The following FGD5 variants were observed in gnomAD, a reference collection of about 807,000 sequenced individuals.
FGD5 encodes the protein FYVE, RhoGEF and PH domain containing 5, also known as FYVE, RhoGEF and PH domain-containing protein 5.
FGD5 carries 28 observed loss-of-function variants against 133.4 expected under a neutral mutation model. The ratio of observed to expected loss-of-function variants is 0.21; its 90% CI spans 0.16 to 0.29. The LOEUF is 0.29. FGD5 is among the 10% of genes least tolerant of loss of function. The pLI, the probability that FGD5 is intolerant of heterozygous loss-of-function variation, is 1.00. For missense variants in FGD5, 1,858 were observed against 1,895.2 expected, an observed-to-expected ratio of 0.98 and a Z score of 0.36; for synonymous variants, 810 against 776.5, an observed-to-expected ratio of 1.04 and a Z score of -0.72.
intron 1 of FGD5, among the ~76,000 whole-genome samples, chr3:14,826,475 A>G (rs1311589091): frequency 1.3e-5 from 2 of 152,168 alleles, no homozygotes; most frequent in Non-Finnish European, 2.9e-5. Flanking sequence ...CTGCCTGGGT[A>G]TTGGTCTACA....
intron 1 of FGD5, among the ~76,000 whole-genome samples, chr3:14,852,834 G>A (rs893414257): frequency 3.3e-5 from 5 of 152,176 alleles, no homozygotes; most frequent in African/African-American, 7.2e-5. Context: ...AGGCGTGAAA[G>A]GGAGCCTCAC....
intron 1 of FGD5, among the ~76,000 whole-genome samples, chr3:14,838,205 CCT>C (rs994338905): frequency 3.3e-5 from 5 of 152,174 alleles, no homozygotes; most frequent in African/African-American, 9.6e-5. Context: ...CACTCCTTCC[CCT>C]GTTTTCTGCA....
At chr3:14,867,414 G>A (rs2037516506) in intron 2 of FGD5, among the ~76,000 whole-genome samples, 1 of 152,186 alleles carries the variant, frequency 6.6e-6, no homozygotes, top group Admixed American at 6.5e-5. Context: ...TTCTTACAGT[G>A]TTTCTAGTTT....
intron 2 of FGD5, among the ~76,000 whole-genome samples, chr3:14,875,275 C>T (rs1297775147): frequency 6.6e-6 from 1 of 152,190 alleles, no homozygotes; most frequent in Admixed American, 6.5e-5. Flanking sequence ...GGGCTTGAAA[C>T]AGCCATGGAA....
chr3:14,879,002 C>T (rs758219197), intron 2 of FGD5, among the ~76,000 whole-genome samples: 7 of 152,276 alleles, frequency 4.6e-5, no homozygotes, highest in East Asian at 3.9e-4. Flanking sequence ...CCACTGTGCC[C>T]GGCCTCAGAG....
chr3:14,889,573 C>T (rs1189961958), intron 4 of FGD5, among the ~76,000 whole-genome samples: 2 of 152,150 alleles, frequency 1.3e-5, no homozygotes. Context: ...AGAGGAATTG[C>T]AGAGTCACGG....
At chr3:14,908,018 AG>A (rs1316206294) in intron 10 of FGD5, among the ~76,000 whole-genome samples, 4 of 152,244 alleles carry the variant, frequency 2.6e-5, no homozygotes, top group African/African-American at 9.6e-5. Flanking sequence ...TTCAGTGCAG[AG>A]TTGCTGGGAA....
intron 13 of FGD5, 127 bp downstream of exon 13, chr3:14,918,960 C>CAA: frequency 1.0e-6 from 1 of 978,076 alleles, no homozygotes; most frequent in Non-Finnish European, 1.5e-6. Flanking sequence ...CCTTCTGGGT[C>CAA]AAAGGACTTT....
rs1241463947 is a variant in FGD5, at chr3:14,877,803, C to T, written c.2659-2769C>T. ...AACCAGGGGTGACGTCTTGCATCAC[C>T]CCAAGCCCTAGGACATTTGGCAGTA... On this transcript the variant is annotated intron_variant, in intron 2 of 19. Transcript: ENST00000285046. Among the ~76,000 whole-genome samples the T allele has an allele frequency of 3.3e-5, 5 of 152,282 alleles. No homozygotes were observed. The East Asian group carries it at 9.7e-4, about 29-fold the overall frequency.
chr3:14,922,225 C>A lies in FGD5; in HGVS notation c.3670-186C>A. On this transcript the variant is annotated intron_variant, in intron 14 of 19. Coordinates refer to ENST00000285046, the MANE Select transcript of FGD5 (RefSeq NM_152536.4). The surrounding 1 kb of genome is among the most constrained non-coding windows in gnomAD (Gnocchi z 4.1). ...CCCAGCACCCACAGTCTTGTTCTCA[C>A]AGTCTGGCTGTTTCCCAACCAAGGG... 1 of 1,029,592 alleles carries A rather than the reference C, an allele frequency of 9.7e-7. No individual in the cohort carries two copies. Among genetic ancestry groups the A allele is most frequent in the Non-Finnish European group, 1.4e-6 (1 of 709,848 alleles). 63.8% of individuals were successfully genotyped at this position (1,029,592 alleles called of 1,614,324 possible). A position where few individuals can be genotyped will look rare whatever the true frequency, so the allele number is the denominator to read the frequency against.
At chr3:14,918,733 A>G in intron 12 of FGD5, 21 bp from the exon 13 acceptor site, 1 of 1,605,320 alleles carries the variant, frequency 6.2e-7, no homozygotes, top group African/African-American at 1.3e-5. Context: ...ACCCTGAAGG[A>G]GGCTGCTGTT....
At chr3:14,901,504 T>G (rs954863060) in intron 9 of FGD5, among the ~76,000 whole-genome samples, 1 of 152,224 alleles carries the variant, frequency 6.6e-6, no homozygotes, top group African/African-American at 2.4e-5. Flanking sequence ...CAGATCTGAT[T>G]CTGACTGTGT....
chr3:14,840,582 C>G (rs550994176), intron 1 of FGD5, among the ~76,000 whole-genome samples: 2 of 152,148 alleles, frequency 1.3e-5, no homozygotes, highest in Non-Finnish European at 2.9e-5. Context: ...CAGATCCACT[C>G]CCGTTCTTTT....
intron 13 of FGD5, 30 bp downstream of exon 13, chr3:14,918,863 C>A: frequency 6.2e-7 from 1 of 1,610,620 alleles, no homozygotes. Context: ...GGATGGCGCA[C>A]AAGGCAGAGG....
intron 1 of FGD5, among the ~76,000 whole-genome samples, chr3:14,813,401 A>C (rs1341355641): frequency 6.6e-6 from 1 of 152,224 alleles, no homozygotes; most frequent in Admixed American, 6.5e-5. Flanking sequence ...CAGCCTAATT[A>C]GAAATCATCA....
chr3:14,841,999 G>A (rs926860291), intron 1 of FGD5, among the ~76,000 whole-genome samples: 5 of 152,214 alleles, frequency 3.3e-5, no homozygotes, highest in Admixed American at 2.6e-4. Flanking sequence ...AAAGTCTGGG[G>A]TGTGCTTTTG....
At chr3:14,885,380 C>G (rs2037905659) in intron 4 of FGD5, among the ~76,000 whole-genome samples, 1 of 152,062 alleles carries the variant, frequency 6.6e-6, no homozygotes, top group Non-Finnish European at 1.5e-5. Context: ...GGTAGATAAC[C>G]TCAGTGCCAG....
intron 2 of FGD5, among the ~76,000 whole-genome samples, chr3:14,870,487 G>A (rs187365919): frequency 6.6e-5 from 10 of 152,272 alleles, no homozygotes; most frequent in African/African-American, 1.9e-4. Flanking sequence ...AGCCCTGGTG[G>A]CCTCACCTCC....
At chr3:14,847,419 A>G (rs1263599982) in intron 1 of FGD5, among the ~76,000 whole-genome samples, 4 of 152,200 alleles carry the variant, frequency 2.6e-5, no homozygotes, top group Non-Finnish European at 5.9e-5. Flanking sequence ...CAGTGCTTCT[A>G]ACCCTGAACT....
Sources: gnomAD v4.1 joint callset for allele counts (sites outside exome capture counted in the v4.1 genomes callset) on GRCh38, gnomAD v4.1.1 for gene constraint, Gnocchi (gnomAD v3.1) non-coding constraint, MANE v1.5 for transcripts, NCBI Gene and HGNC (gene_info 2026-07-23, HGNC 2026-07-21) for gene names.